The following RPL7L1 variants were observed in gnomAD, a reference collection of about 807,000 sequenced individuals.
RPL7L1 encodes ribosomal protein L7 like 1.
Under a neutral mutation model 30.3 loss-of-function variants are expected in RPL7L1, and 20 were observed. That is an observed-to-expected ratio of 0.66 (90% CI 0.46 to 0.96). The LOEUF is 0.96. Among genes scored for constraint, RPL7L1 ranks in the 40% least tolerant of loss-of-function variants. The pLI is 0.00. For synonymous variants in RPL7L1, 107 were observed against 110.1 expected, an observed-to-expected ratio of 0.97 and a Z score of 0.18; for missense variants, 271 against 314.9, an observed-to-expected ratio of 0.86 and a Z score of 1.05.
chr6:42,889,412 C>G lies in RPL7L1; in HGVS notation c.*2948C>G, dbSNP rs1766392865. The stretch of plus-strand genomic sequence containing the variant: ...GCCGAGATCACACCATTGCACTCCA[C>G]CTTGGGCAACAAAAGCAAAACTCTG... On this transcript the variant is annotated 3_prime_UTR_variant, in exon 6 of 6. Transcript: ENST00000493763. The G allele has an allele frequency of 6.7e-6, 1 of 149,542 alleles. No homozygotes were observed. Among genetic ancestry groups the G allele is most frequent in the African/African-American group, 2.5e-5 (1 of 40,148 alleles). 9.3% of individuals were successfully genotyped at this position (149,542 alleles called of 1,614,324 possible). A position where few individuals can be genotyped will look rare whatever the true frequency, so the allele number is the denominator to read the frequency against.
At chr6:42,884,511 T>C (rs1766191233) in intron 3 of RPL7L1, 102 bp from the exon 4 acceptor site, 1 of 1,049,518 alleles carries the variant, frequency 9.5e-7, no homozygotes, top group Non-Finnish European at 1.4e-6. Flanking sequence ...AGTCTCTGTG[T>C]CTTATTCCAG....
chr6:42,886,142 A>G, intron 5 of RPL7L1, 59 bp downstream of exon 5: 1 of 1,383,350 alleles, frequency 7.2e-7, no homozygotes. Flanking sequence ...TGAAGCTTTG[A>G]TGTGAGATTC....
In RPL7L1 at chr6:42,887,436, A is replaced by G. The variant is rs1654718760; in HGVS notation, c.*972A>G. On this transcript the variant is annotated 3_prime_UTR_variant, in exon 6 of 6. Transcript: ENST00000493763. Reference sequence around the variant, plus strand: ...CATCTCTACTAAAAATACAAAAATTAGCCGGGCATGGTGGCACGTGCCTGT... The same window carrying G: ...CATCTCTACTAAAAATACAAAAATTGGCCGGGCATGGTGGCACGTGCCTGT... The G allele has an allele frequency of 6.6e-6, 1 of 152,004 alleles. No homozygotes were observed. The highest frequency in any genetic ancestry group is 2.4e-5 in the African/African-American group (1 of 41,366). 9.4% of individuals were successfully genotyped at this position (152,004 alleles called of 1,614,324 possible). A position where few individuals can be genotyped will look rare whatever the true frequency, so the allele number is the denominator to read the frequency against.
chr6:42,880,725 C>G (rs1321146021), intron 1 of RPL7L1, 136 bp from the exon 2 acceptor site: 4 of 527,970 alleles, frequency 7.6e-6, no homozygotes, highest in Non-Finnish European at 1.4e-5. Flanking sequence ...GTTGGTCAGG[C>G]TGGTCTCGAA....
In RPL7L1 at chr6:42,879,824, CT is replaced by C. The variant is rs1450494152; in HGVS notation, c.-86del. The C allele has an allele frequency of 6.4e-6, 9 of 1,414,576 alleles. No individual in the cohort carries two copies. Among genetic ancestry groups the C allele is most frequent in the Non-Finnish European group, 9.0e-6 (9 of 1,001,484 alleles). The allele number at this position is 1,414,576 out of a possible 1,614,324, so 87.6% of individuals were successfully genotyped here. ...CTCACTGCGGCTAAGTGAACGCTGA[CT>C]GGTCCTCCAGCGTGAGCTAGAACAG... is the stretch of plus-strand genomic sequence containing the variant. On this transcript the variant is annotated 5_prime_UTR_variant, in exon 1 of 6. Coordinates refer to ENST00000493763, the MANE Select transcript of RPL7L1 (RefSeq NM_001366481.3).
rs1030756670 is a variant in RPL7L1, at chr6:42,889,153, A to C, written c.*2689A>C. The C allele has an allele frequency of 1.1e-4, 17 of 152,208 alleles. 1 individual carries two copies. Among genetic ancestry groups the C allele is most frequent in the African/African-American group, 3.9e-4 (16 of 41,436 alleles). 9.4% of individuals were successfully genotyped at this position (152,208 alleles called of 1,614,324 possible). On this transcript the variant is annotated 3_prime_UTR_variant, in exon 6 of 6. Coordinates refer to ENST00000493763, the MANE Select transcript of RPL7L1 (RefSeq NM_001366481.3). The stretch of plus-strand genomic sequence containing the variant: ...AGATGTAACTGCCTTAAAACATGCC[A>C]GCTTAGGCTGGGCACGGTGGCTCAC...
chr6:42,880,656 G>C (rs1378888009), intron 1 of RPL7L1: 2 of 412,274 alleles, frequency 4.9e-6, no homozygotes, highest in Non-Finnish European at 8.9e-6. Flanking sequence ...GGGATTACAG[G>C]CGTGCGCCAC....
chr6:42,882,632 G>T (rs1766121607), intron 2 of RPL7L1: 2 of 150,508 alleles, frequency 1.3e-5, no homozygotes, highest in African/African-American at 4.9e-5. Context: ...CTTTGGCCAG[G>T]TGTGGTAGCT....
In RPL7L1 at chr6:42,887,473, C is replaced by A. The variant is rs1464432112; in HGVS notation, c.*1009C>A. 2 of 151,946 alleles carry A rather than the reference C, an allele frequency of 1.3e-5. No individual in the cohort carries two copies. The highest frequency in any genetic ancestry group is 2.9e-5 in the Non-Finnish European group (2 of 67,996). 9.4% of individuals were successfully genotyped at this position (151,946 alleles called of 1,614,324 possible). A position where few individuals can be genotyped will look rare whatever the true frequency, so the allele number is the denominator to read the frequency against. ...TGGCACGTGCCTGTAATCCCAGCTACTCAGGAGGCTGAGGCAGGAGAATCG... is the reference window on the plus strand; with the variant it reads ...TGGCACGTGCCTGTAATCCCAGCTAATCAGGAGGCTGAGGCAGGAGAATCG... On this transcript the variant is annotated 3_prime_UTR_variant, in exon 6 of 6. Coordinates refer to ENST00000493763, the MANE Select transcript of RPL7L1 (RefSeq NM_001366481.3).
At chr6:42,886,108 G>A in intron 5 of RPL7L1, 25 bp downstream of exon 5, 2 of 1,430,072 alleles carry the variant, frequency 1.4e-6, no homozygotes, top group Non-Finnish European at 2.0e-6. Flanking sequence ...TTAGGGATCA[G>A]CTGGGGCAGA....
chr6:42,885,741 C>T, intron 4 of RPL7L1: 1 of 432,898 alleles, frequency 2.3e-6, no homozygotes, highest in East Asian at 3.9e-5. Flanking sequence ...CAATATTTTC[C>T]CTGGTGAACA....
rs1380821509 is a variant in RPL7L1 at position 42,889,245 on chromosome 6, AG to A, written c.*2782del. On this transcript the variant is annotated 3_prime_UTR_variant, in exon 6 of 6. Transcript: ENST00000493763. ...CACTTGAGGTCAGGAGTTCGAGACC[AG>A]CCTGACCAACATGGAGAAATTCTGT... 2 of 152,244 alleles carry A rather than the reference AG, an allele frequency of 1.3e-5. No homozygotes were observed. The highest frequency in any genetic ancestry group is 2.4e-5 in the African/African-American group (1 of 41,424). The allele number at this position is 152,244 out of a possible 1,614,324, so 9.4% of individuals were successfully genotyped here.
chr6:42,886,551 A>C lies in RPL7L1; in HGVS notation c.*87A>C. On this transcript the variant is annotated 3_prime_UTR_variant, in exon 6 of 6. Transcript: ENST00000493763. ...CACTTTACAAGTTCTTTTTGCATTT[A>C]CTAGTATTTAAGAGTAACCTTGAGA... is the stretch of plus-strand genomic sequence containing the variant. 7 of 716,604 alleles carry C rather than the reference A, an allele frequency of 9.8e-6. No individual in the cohort carries two copies. Among genetic ancestry groups the C allele is most frequent in the Non-Finnish European group, 4.9e-6 (2 of 412,186 alleles). The allele number at this position is 716,604 out of a possible 1,614,324, so 44.4% of individuals were successfully genotyped here.
At chr6:42,882,814 GA>G in intron 2 of RPL7L1, 1 of 152,372 alleles carries the variant, frequency 6.6e-6, no homozygotes, top group Non-Finnish European at 1.5e-5. Context: ...GCTGAGGCAG[GA>G]AAATGGCTTG....
In RPL7L1 at chr6:42,879,954, G is replaced by A. The variant is rs776595299; in HGVS notation, c.41+3G>A. 2 of 1,614,068 alleles carry A rather than the reference G, an allele frequency of 1.2e-6. No homozygotes were observed. The highest frequency in any genetic ancestry group is 2.2e-5 in the South Asian group (2 of 91,074). On this transcript the variant is annotated splice_donor_region_variant and intron_variant, in intron 1 of 5. Coordinates refer to ENST00000493763, the MANE Select transcript of RPL7L1 (RefSeq NM_001366481.3). The stretch of plus-strand genomic sequence containing the variant: ...ACTAGAAAGATGGCGGAGCAAGAGT[G>A]AGTGTTTGGGGCTTTGAATATCTGG...
chr6:42,888,813 T>C lies in RPL7L1; in HGVS notation c.*2349T>C, dbSNP rs1766374616. On this transcript the variant is annotated 3_prime_UTR_variant, in exon 6 of 6. Coordinates refer to ENST00000493763, the MANE Select transcript of RPL7L1 (RefSeq NM_001366481.3). Reference sequence around the variant, plus strand: ...TTAATTTTTTCCTTGCATATTCTAGTCTTCAGAAGCATTGCCTTTTGTCCT... The same window carrying C: ...TTAATTTTTTCCTTGCATATTCTAGCCTTCAGAAGCATTGCCTTTTGTCCT... 6.6e-6 allele frequency: 1 copy of C among 152,240 alleles called. No individual in the cohort carries two copies. The highest frequency in any genetic ancestry group is 1.5e-5 in the Non-Finnish European group (1 of 68,056). 9.4% of individuals were successfully genotyped at this position (152,240 alleles called of 1,614,324 possible).
intron 1 of RPL7L1, 35 bp from the exon 2 acceptor site, chr6:42,880,826 T>C: frequency 7.8e-7 from 1 of 1,281,420 alleles, no homozygotes; most frequent in Non-Finnish European, 1.1e-6. Context: ...TGTTCTTTTC[T>C]AAATGTTATC....
Position 42,880,909 on chromosome 6 carries a change from G to T in RPL7L1, c.90G>T (p.Lys30Asn). 6.2e-7 allele frequency: 1 copy of T among 1,610,500 alleles called. No individual in the cohort carries two copies. Among genetic ancestry groups the T allele is most frequent in the Non-Finnish European group, 8.5e-7 (1 of 1,177,086 alleles). ...LVPENLLKKRKAYQALKATQA... is the reference protein window; with the variant it reads ...LVPENLLKKRNAYQALKATQA... ...CAGAAAATCTCCTGAAAAAGAGGAA[G>T]GCTTATCAAGCCCTCAAAGCCACCC... is the stretch of plus-strand genomic sequence containing the variant. Residue 30 changes from lysine to asparagine, a missense_variant, in exon 2 of 6, where the codon AAG becomes AAT. Lys to Asn is a moderately conservative substitution (Grantham distance 94, BLOSUM62 0). Transcript: ENST00000493763.
rs115776815 is a variant in RPL7L1, at chr6:42,886,160, A to G, written c.559+77A>G. On this transcript the variant is annotated intron_variant, in intron 5 of 5. Transcript: ENST00000493763. ...AGCTTTGATGTGAGATTCAGGTTGT[A>G]TTCTTCTTGGGGCCCCAAGAGTCTG... 5,810 of 1,388,104 alleles carry G rather than the reference A, an allele frequency of 4.2e-3. 192 individuals are homozygous for G. The African/African-American group carries it at 0.068, about 16-fold the overall frequency. The allele number at this position is 1,388,104 out of a possible 1,614,324, so 86.0% of individuals were successfully genotyped here.
Sources: gnomAD v4.1 joint callset for allele counts on GRCh38, gnomAD v4.1.1 for gene constraint, MANE v1.5 for transcripts, NCBI Gene and HGNC (gene_info 2026-07-23, HGNC 2026-07-21) for gene names.